The following CNTN4 variants were observed in gnomAD, a reference collection of about 807,000 sequenced individuals.
The protein encoded by CNTN4 is contactin-4.
In CNTN4, 77 loss-of-function variants were observed where a neutral mutation model predicts 122.5. The observed-to-expected ratio is 0.63, with a 90% CI of 0.52 to 0.76. The LOEUF (loss-of-function observed/expected upper bound fraction) is 0.76. CNTN4 is among the 30% of genes least tolerant of loss of function. CNTN4 has a pLI of 0.00. For synonymous variants in CNTN4, 512 were observed against 447.0 expected, an observed-to-expected ratio of 1.15 and a Z score of -1.83; for missense variants, 1,256 against 1,259.1, an observed-to-expected ratio of 1.00 and a Z score of 0.04.
chr3:2,121,017 A>ACC (rs2033742485), intron 2 of CNTN4, among the ~76,000 whole-genome samples: 1 of 151,856 alleles, frequency 6.6e-6, no homozygotes, highest in Non-Finnish European at 1.5e-5. Context: ...CTTTCTCTGC[A>ACC]TCTGAAGCCA....
At chr3:2,960,347 G>A (rs1045990379) in intron 13 of CNTN4, among the ~76,000 whole-genome samples, 13 of 152,172 alleles carry the variant, frequency 8.5e-5, no homozygotes, top group African/African-American at 1.2e-4. Context: ...TATAGGTACC[G>A]CACGGGCAAG....
chr3:2,287,711 GGAAGAAGAAGAAGAAGAAGAAGAA>G lies in CNTN4; in HGVS notation c.-144-51423_-144-51400del, dbSNP rs56014308. Reference sequence around the variant, plus strand: ...AAGAAGAGGAAGAAGAAGAAGAAGAGGAAGAAGAAGAAGAAGAAGAAGAAGAAGAAGAAGAAGAAGAAGAAGAAG... The same window carrying G: ...AAGAAGAGGAAGAAGAAGAAGAAGAGGAAGAAGAAGAAGAAGAAGAAGAAG... On this transcript the variant is annotated intron_variant, in intron 2 of 24. Coordinates refer to ENST00000418658, the MANE Select transcript of CNTN4 (RefSeq NM_175607.3). 2.4e-3 allele frequency among the ~76,000 whole-genome samples: 159 copies of G among 65,480 alleles called. 3 individuals carry two copies. Among genetic ancestry groups the G allele is most frequent in the African/African-American group, 6.9e-3 (114 of 16,428 alleles). The allele number at this position is 65,480 out of a possible 152,430, so 43.0% of individuals were successfully genotyped here. A position where few individuals can be genotyped will look rare whatever the true frequency, so the allele number is the denominator to read the frequency against.
At chr3:2,553,894 C>T (rs998186194) in intron 3 of CNTN4, among the ~76,000 whole-genome samples, 3 of 152,076 alleles carry the variant, frequency 2.0e-5, no homozygotes, top group South Asian at 2.1e-4. Context: ...AACCAGTAGA[C>T]GAGTTAGTTT....
intron 3 of CNTN4, among the ~76,000 whole-genome samples, chr3:2,546,414 G>T (rs2078247895): frequency 6.6e-6 from 1 of 151,858 alleles, no homozygotes; most frequent in African/African-American, 2.4e-5. Flanking sequence ...TGCAGGAACA[G>T]AAAACTGAGT....
At chr3:2,406,456 T>C (rs1483011328) in intron 3 of CNTN4, among the ~76,000 whole-genome samples, 1 of 152,224 alleles carries the variant, frequency 6.6e-6, no homozygotes, top group East Asian at 1.9e-4. Flanking sequence ...AAGAAGAGGA[T>C]GTTAGTGAAA....
At chr3:3,053,474 G>C (rs1053025809) in intron 23 of CNTN4, among the ~76,000 whole-genome samples, 6 of 152,244 alleles carry the variant, frequency 3.9e-5, no homozygotes, top group African/African-American at 1.2e-4. Flanking sequence ...CCAAAGCACC[G>C]ATGTGTAACT....
chr3:2,724,902 C>G (rs1369507283), intron 4 of CNTN4, among the ~76,000 whole-genome samples: 1 of 151,940 alleles, frequency 6.6e-6, no homozygotes, highest in Admixed American at 6.5e-5. Flanking sequence ...TGGTTTGGCT[C>G]TTGGGAGCGT....
chr3:2,727,909 A>G (rs116798962), intron 4 of CNTN4, among the ~76,000 whole-genome samples: 2,298 of 152,304 alleles, frequency 0.015, 48 homozygotes, highest in African/African-American at 0.053. Context: ...ATGACAAATG[A>G]AAGTAATGTT....
intron 4 of CNTN4, among the ~76,000 whole-genome samples, chr3:2,625,531 A>C (rs1028410942): frequency 1.3e-5 from 2 of 152,076 alleles, no homozygotes; most frequent in African/African-American, 2.4e-5. Flanking sequence ...TTATTATTCC[A>C]CTACTTTTAT....
chr3:2,486,146 C>G (rs2076154191), intron 3 of CNTN4, among the ~76,000 whole-genome samples: 3 of 152,116 alleles, frequency 2.0e-5, no homozygotes, highest in African/African-American at 7.2e-5. Context: ...ACCTTAAGAG[C>G]TGTAACACTC....
intron 21 of CNTN4, chr3:3,042,725 G>C: frequency 1.7e-6 from 1 of 588,270 alleles, no homozygotes; most frequent in Non-Finnish European, 3.0e-6. Context: ...AACAAACATG[G>C]GAAAAAAGAA....
chr3:2,621,607 T>C (rs918482658), intron 4 of CNTN4, among the ~76,000 whole-genome samples: 1 of 151,950 alleles, frequency 6.6e-6, no homozygotes, highest in Non-Finnish European at 1.5e-5. Context: ...GTAACAAACC[T>C]GCACGTTCTG....
At chr3:2,512,457 T>A (rs1161382725) in intron 3 of CNTN4, among the ~76,000 whole-genome samples, 2 of 152,208 alleles carry the variant, frequency 1.3e-5, no homozygotes, top group Non-Finnish European at 2.9e-5. Flanking sequence ...CATGCAAGAT[T>A]CATTGTAAAA....
At chr3:2,355,904 T>C (rs866310304) in intron 3 of CNTN4, among the ~76,000 whole-genome samples, 34 of 152,198 alleles carry the variant, frequency 2.2e-4, no homozygotes, top group African/African-American at 7.7e-4. Flanking sequence ...CTAATTCAAA[T>C]TGTAGCAGGG....
intron 2 of CNTN4, among the ~76,000 whole-genome samples, chr3:2,272,330 T>C (rs1334227365): frequency 6.6e-6 from 1 of 152,168 alleles, no homozygotes; most frequent in African/African-American, 2.4e-5. Flanking sequence ...TATTTATGAA[T>C]TTTTATATGC....
intron 2 of CNTN4, among the ~76,000 whole-genome samples, chr3:2,121,961 C>T (rs1436557679): frequency 6.6e-6 from 1 of 151,816 alleles, no homozygotes; most frequent in African/African-American, 2.4e-5. Flanking sequence ...GTCAGGAGAT[C>T]GAGACCACGG....
Position 2,618,279 on chromosome 3 carries a change from T to C in CNTN4, c.55+46721T>C, listed in dbSNP as rs531747710. ...TATGGAATATGCATGTATATGTGTA[T>C]AAATAATATATGTATATGTGTGTAT... On this transcript the variant is annotated intron_variant, in intron 4 of 24. Transcript: ENST00000418658. 6.4e-4 allele frequency among the ~76,000 whole-genome samples: 98 copies of C among 152,262 alleles called. 1 individual carries two copies. Among genetic ancestry groups the C allele is most frequent in the African/African-American group, 2.3e-3 (96 of 41,556 alleles).
intron 6 of CNTN4, among the ~76,000 whole-genome samples, chr3:2,763,885 C>G (rs111914954): frequency 0.011 from 1,700 of 151,698 alleles, 29 homozygotes; most frequent in African/African-American, 0.039. Flanking sequence ...GTTACTGTGT[C>G]CCTATAGTAT....
At chr3:2,822,906 C>A (rs575776562) in intron 7 of CNTN4, among the ~76,000 whole-genome samples, 1 of 152,130 alleles carries the variant, frequency 6.6e-6, no homozygotes, top group African/African-American at 2.4e-5. Context: ...AATAAATATT[C>A]TTATTATAAG....
Sources: allele counts gnomAD v4.1 joint callset (sites outside exome capture counted in the v4.1 genomes callset), GRCh38; gene constraint gnomAD v4.1.1; transcripts MANE v1.5; gene names NCBI Gene and HGNC (gene_info 2026-07-23, HGNC 2026-07-21).